Variants in TMEM135 observed in about 807,000 individuals in gnomAD.
TMEM135 encodes the protein peroxisomal membrane protein 52.
TMEM135 carries 30 observed loss-of-function variants against 60.3 expected under a neutral mutation model. The ratio of observed to expected loss-of-function variants is 0.50; its 90% confidence interval spans 0.37 to 0.68. TMEM135 has a LOEUF of 0.68. Ranked by LOEUF, TMEM135 falls within the 30% of genes least tolerant of loss-of-function variation. The probability of loss-of-function intolerance (pLI) is 0.00; values close to 1 mark genes in which losing one functional copy is unlikely to be tolerated. For missense variants in TMEM135, 468 were observed against 548.8 expected, an observed-to-expected ratio of 0.85 and a Z score of 1.47; for synonymous variants, 190 against 186.7, an observed-to-expected ratio of 1.02 and a Z score of -0.14.
rs1012155208 is a variant in TMEM135, at chr11:87,180,532, T to C, written c.462+23126T>C. Among the ~76,000 whole-genome samples, 21 of 152,102 alleles carry C rather than the reference T, an allele frequency of 1.4e-4. 1 individual carries two copies. Among genetic ancestry groups the C allele is most frequent in the Non-Finnish European group, 4.4e-5 (3 of 68,030 alleles). ...GGTAGAGAAAAAGATGACCTAAATCTGTGCATGAAGACCCAGACATCCCTA... is the reference window on the plus strand; with the variant it reads ...GGTAGAGAAAAAGATGACCTAAATCCGTGCATGAAGACCCAGACATCCCTA... On this transcript the variant is annotated intron_variant, in intron 5 of 14. Coordinates refer to ENST00000305494, the MANE Select transcript of TMEM135 (RefSeq NM_022918.4).
In TMEM135 at chr11:87,200,733, G is replaced by A. The variant is rs545200030; in HGVS notation, c.463-35905G>A. ...TACCATTATAGCATCATACAGAATAGTTTCACTGCTGCAAAAATCCCATGT... is the reference window on the plus strand; with the variant it reads ...TACCATTATAGCATCATACAGAATAATTTCACTGCTGCAAAAATCCCATGT... On this transcript the variant is annotated intron_variant, in intron 5 of 14. Coordinates refer to ENST00000305494, the MANE Select transcript of TMEM135 (RefSeq NM_022918.4). 2.1e-5 allele frequency among the ~76,000 whole-genome samples: 3 copies of A among 146,126 alleles called. No individual in the cohort carries two copies. The East Asian group carries it at 6.3e-4, about 31-fold the overall frequency.
Position 87,327,494 on chromosome 11 carries a change from C to G in TMEM135, c.*6161C>G. The stretch of plus-strand genomic sequence containing the variant: ...AAAGTTCTGTATCAGTCAGGGTTTC[C>G]CAGAGAGGCAGAACAATAGGGATAG... On this transcript the variant is annotated 3_prime_UTR_variant, in exon 15 of 15. Transcript: ENST00000305494. The G allele has an allele frequency of 2.2e-6, 1 of 453,652 alleles. No homozygotes were observed. The highest frequency in any genetic ancestry group is 4.4e-6 in the Non-Finnish European group (1 of 226,704). 28.1% of individuals were successfully genotyped at this position (453,652 alleles called of 1,614,324 possible).
chr11:87,272,046 CTTTTCTT>C lies in TMEM135; in HGVS notation c.510-23731_510-23725del, dbSNP rs1348174865. 3.1e-3 allele frequency among the ~76,000 whole-genome samples: 219 copies of C among 69,650 alleles called. 1 individual carries two copies. Among genetic ancestry groups the C allele is most frequent in the Admixed American group, 6.9e-3 (46 of 6,654 alleles). The allele number at this position is 69,650 out of a possible 152,430, so 45.7% of individuals were successfully genotyped here. A position where few individuals can be genotyped will look rare whatever the true frequency, so the allele number is the denominator to read the frequency against. On this transcript the variant is annotated intron_variant, in intron 6 of 14. Transcript: ENST00000305494. ...GCCTGCATTATATTTCTTTCTTTTT[CTTTTCTT>C]TTTTTTTTTTTTTTTTTTAAGACAG...
intron 6 of TMEM135, among the ~76,000 whole-genome samples, chr11:87,271,406 A>G (rs1818452250): frequency 6.6e-6 from 1 of 152,226 alleles, no homozygotes; most frequent in South Asian, 2.1e-4. Flanking sequence ...TGCAGGCTGC[A>G]GTTACTTTCG....
At chr11:87,305,776 AAAATAAATAAAT>A (rs71470736) in intron 8 of TMEM135, among the ~76,000 whole-genome samples, 148 bp from the exon 9 acceptor site, 5 of 143,992 alleles carry the variant, frequency 3.5e-5, no homozygotes, top group Admixed American at 1.4e-4. Flanking sequence ...ACTTTATCTC[AAAATAAATAAAT>A]AAATAAATAA....
intron 5 of TMEM135, among the ~76,000 whole-genome samples, chr11:87,235,280 A>G (rs1384143790): frequency 6.6e-6 from 1 of 151,608 alleles, no homozygotes; most frequent in Non-Finnish European, 1.5e-5. Context: ...AGATGGAGAG[A>G]GGAAGGAAGG....
At position 87,324,109 on chromosome 11, in the gene TMEM135, G is replaced by A. The variant is rs917788215; in HGVS notation, c.*2776G>A. The A allele has an allele frequency of 8.8e-6, 4 of 454,074 alleles. No homozygotes were observed. The highest frequency in any genetic ancestry group is 7.0e-5 in the Admixed American group (3 of 42,558). The allele number at this position is 454,074 out of a possible 1,614,324, so 28.1% of individuals were successfully genotyped here. ...CACAGTATTTTCTTGTTGTGCTCGA[G>A]TGTTCGTCTCCTTGTAGATTGTATC... On this transcript the variant is annotated 3_prime_UTR_variant, in exon 15 of 15. Coordinates refer to ENST00000305494, the MANE Select transcript of TMEM135 (RefSeq NM_022918.4).
chr11:87,060,264 T>G (rs1949933675), intron 1 of TMEM135, among the ~76,000 whole-genome samples: 1 of 152,236 alleles, frequency 6.6e-6, no homozygotes, highest in East Asian at 1.9e-4. Context: ...TTTTCCATCT[T>G]CTTTCCTCTT....
intron 4 of TMEM135, among the ~76,000 whole-genome samples, chr11:87,138,382 C>T (rs573243496): frequency 3.9e-5 from 6 of 152,220 alleles, no homozygotes; most frequent in Middle Eastern, 3.4e-3. Flanking sequence ...TGAGCCACTG[C>T]GCCCAGCTCC....
intron 5 of TMEM135, among the ~76,000 whole-genome samples, chr11:87,204,356 CCTA>C (rs1940188486): frequency 6.6e-6 from 1 of 152,020 alleles, no homozygotes; most frequent in South Asian, 2.1e-4. Context: ...TGTTGTTCTT[CCTA>C]CTTCTTCCCT....
At chr11:87,320,649 C>T (rs749319567) in intron 14 of TMEM135, among the ~76,000 whole-genome samples, 1 of 152,074 alleles carries the variant, frequency 6.6e-6, no homozygotes, top group Non-Finnish European at 1.5e-5. Flanking sequence ...TAATGGATAA[C>T]GTTAGGGTAT....
rs1942607028 is a variant in TMEM135, at chr11:87,309,541, C to T, written c.805C>T (p.Gln269Ter). The change falls in exon 10 of 15, where the codon CAG (glutamine) becomes TAG (stop). Residue 269 changes from glutamine to a stop codon, truncating the protein, a stop_gained. Coordinates refer to ENST00000305494, the MANE Select transcript of TMEM135 (RefSeq NM_022918.4). LOFTEE classifies it high-confidence loss of function. Reference sequence around the variant, plus strand: ...AATGTTTAGCGTGGGGTACTTGATCCAGTGCTGCCTCCGAATCCCTTCTGC... The same window carrying T: ...AATGTTTAGCGTGGGGTACTTGATCTAGTGCTGCCTCCGAATCCCTTCTGC... ...IRMFSVGYLI[Q>*]CCLRIPSAFR... The T allele has an allele frequency of 1.2e-6, 2 of 1,613,672 alleles. No individual in the cohort carries two copies.
At position 87,059,714 on chromosome 11, in the gene TMEM135, G is replaced by A. The variant is rs896479096; in HGVS notation, c.142-7980G>A. ...GAAGGAATTGGGGTTGAATCAGGAA[G>A]CAATTCTGCAGAGTGAAGGAAACTA... On this transcript the variant is annotated intron_variant, in intron 1 of 14. Transcript: ENST00000305494. Among the ~76,000 whole-genome samples, 4 of 152,228 alleles carry A rather than the reference G, an allele frequency of 2.6e-5. No homozygotes were observed. In the South Asian group the frequency reaches 6.2e-4, roughly 24 times the overall value.
At chr11:87,202,731 A>T (rs1046340523) in intron 5 of TMEM135, among the ~76,000 whole-genome samples, 16 of 70,320 alleles carry the variant, frequency 2.3e-4, no homozygotes, top group East Asian at 2.2e-3. Flanking sequence ...AAAAGACTTT[A>T]AAAAAAAAAA....
chr11:87,132,673 TAAC>T (rs59105849), intron 4 of TMEM135, among the ~76,000 whole-genome samples: 49,535 of 151,804 alleles, frequency 0.33, 8,462 homozygotes, highest in East Asian at 0.54. Context: ...TATTAGTGTT[TAAC>T]AACAACTTTA....
rs148681688 is a variant in TMEM135 at position 87,090,924 on chromosome 11, CAGAT to C, written c.363-434_363-431del. Among the ~76,000 whole-genome samples, 646 of 152,118 alleles carry C rather than the reference CAGAT, an allele frequency of 4.2e-3. 5 individuals carry two copies. The highest frequency in any genetic ancestry group is 0.015 in the African/African-American group (617 of 41,548). ...TGAAACAATTGTATTGTGTGTGAAACAGATAGAAGGCTTGTTTTATTTATTTTTT... is the reference window on the plus strand; with the variant it reads ...TGAAACAATTGTATTGTGTGTGAAACAGAAGGCTTGTTTTATTTATTTTTT... On this transcript the variant is annotated intron_variant, in intron 3 of 14. Transcript: ENST00000305494.
At chr11:87,045,398 C>G (rs1228349817) in intron 1 of TMEM135, among the ~76,000 whole-genome samples, 1 of 152,132 alleles carries the variant, frequency 6.6e-6, no homozygotes, top group Non-Finnish European at 1.5e-5. Context: ...ACTACAGCCT[C>G]TAGCATGTCG....
intron 6 of TMEM135, among the ~76,000 whole-genome samples, chr11:87,294,628 C>A (rs557260545): frequency 6.6e-6 from 1 of 152,196 alleles, no homozygotes. Flanking sequence ...GGTGATCCGC[C>A]GGCCTCGGCC....
Position 87,250,254 on chromosome 11 carries a change from C to G in TMEM135, c.509+13570C>G, listed in dbSNP as rs1043976566. Among the ~76,000 whole-genome samples, 12 of 151,938 alleles carry G rather than the reference C, an allele frequency of 7.9e-5. No individual in the cohort carries two copies. The East Asian group carries it at 2.1e-3, about 27-fold the overall frequency. ...TCTATTTATCTTTTCAAAAAACCAACTTTTCATTTTTTTGATCTTTTGTAT... is the reference window on the plus strand; with the variant it reads ...TCTATTTATCTTTTCAAAAAACCAAGTTTTCATTTTTTTGATCTTTTGTAT... On this transcript the variant is annotated intron_variant, in intron 6 of 14. Coordinates refer to ENST00000305494, the MANE Select transcript of TMEM135 (RefSeq NM_022918.4).
Sources: allele counts gnomAD v4.1 joint callset (sites outside exome capture counted in the v4.1 genomes callset), GRCh38; gene constraint gnomAD v4.1.1; transcripts MANE v1.5; gene names NCBI Gene and HGNC (gene_info 2026-07-23, HGNC 2026-07-21).